The following ZSCAN4 variants were observed in gnomAD, a reference collection of about 807,000 sequenced individuals.
ZSCAN4 encodes zinc finger and SCAN domain containing 4.
Under a neutral mutation model 18.3 loss-of-function variants are expected in ZSCAN4, and 18 were observed. That is an observed-to-expected ratio of 0.98 (90% CI 0.68 to 1.46). The LOEUF (loss-of-function observed/expected upper bound fraction) is 1.46, where lower values mean the gene tolerates loss of function less well. Among genes scored for constraint, ZSCAN4 ranks in the 40% most tolerant of loss-of-function variants. ZSCAN4 has a pLI of 0.00. For missense variants in ZSCAN4, 498 were observed against 511.4 expected, an observed-to-expected ratio of 0.97 and a Z score of 0.25; for synonymous variants, 193 against 180.3, an observed-to-expected ratio of 1.07 and a Z score of -0.57.
chr19:57,661,085 T>G, the ZSCAN4 span, among the ~76,000 whole-genome samples: 10 of 152,240 alleles, frequency 6.6e-5, no homozygotes, highest in African/African-American at 2.4e-4. Flanking sequence ...CTTCCAAAAG[T>G]TTTCCAGTTA....
At chr19:57,676,366 A>C in exon 3 of ZSCAN4, 1 of 1,614,230 alleles carries the variant, frequency 6.2e-7, no homozygotes, top group South Asian at 1.1e-5. Context: ...TCATGGCTGC[A>C]ACCAGAAAAG....
intron 3 of ZSCAN4, among the ~76,000 whole-genome samples, chr19:57,677,662 A>T (rs1046453224): frequency 3.3e-5 from 5 of 152,230 alleles, no homozygotes; most frequent in African/African-American, 1.2e-4. Context: ...ATGTAGCCAG[A>T]AGCTCACAGG....
exon 5 of ZSCAN4, chr19:57,678,958 T>C (rs1984281068): frequency 8.1e-6 from 12 of 1,488,516 alleles, no homozygotes; most frequent in Non-Finnish European, 1.1e-5. Context: ...TATATTCCTA[T>C]AGTATTTATC....
At chr19:57,672,245 A>G (rs1984045901) in intron 2 of ZSCAN4, among the ~76,000 whole-genome samples, 1 of 152,110 alleles carries the variant, frequency 6.6e-6, no homozygotes, top group Non-Finnish European at 1.5e-5. Flanking sequence ...AGTTCTAAGG[A>G]ATGGTAACTG....
At chr19:57,670,621 T>A (rs1446409878) in intron 2 of ZSCAN4, 54 bp downstream of exon 2, 1 of 152,166 alleles carries the variant, frequency 6.6e-6, no homozygotes, top group East Asian at 1.9e-4. Flanking sequence ...GTATACATTT[T>A]GTGTCTTTGA....
chr19:57,671,686 A>G (rs1319163651), intron 2 of ZSCAN4, among the ~76,000 whole-genome samples: 1 of 152,150 alleles, frequency 6.6e-6, no homozygotes, highest in Non-Finnish European at 1.5e-5. Flanking sequence ...ATGTGAGCAG[A>G]TTAGCATTTT....
chr19:57,667,876 GT>G (rs199974719), upstream of ZSCAN4, among the ~76,000 whole-genome samples: 77 of 148,716 alleles, frequency 5.2e-4, no homozygotes, highest in East Asian at 6.1e-3. Context: ...ATTTTTCATT[GT>G]TTTTTTTTTG....
chr19:57,666,067 T>C (rs1983841263), upstream of ZSCAN4, among the ~76,000 whole-genome samples: 1 of 152,218 alleles, frequency 6.6e-6, no homozygotes, highest in African/African-American at 2.4e-5. Context: ...ATTGTATTCA[T>C]ATTTAAAAGG....
At chr19:57,660,903 TC>T in the ZSCAN4 span, among the ~76,000 whole-genome samples, 1 of 151,324 alleles carries the variant, frequency 6.6e-6, no homozygotes, top group Non-Finnish European at 1.5e-5. Context: ...CTACACAGAA[TC>T]CTTCAGATCA....
At chr19:57,676,187 C>T (rs778191042) in exon 3 of ZSCAN4, 53 of 1,613,724 alleles carry the variant, frequency 3.3e-5, no homozygotes, top group African/African-American at 5.3e-5. Context: ...GTGAACCATC[C>T]GAGAATAATC....
the ZSCAN4 span, among the ~76,000 whole-genome samples, chr19:57,660,181 A>G: frequency 6.6e-6 from 1 of 152,246 alleles, no homozygotes; most frequent in Admixed American, 6.5e-5. Flanking sequence ...GATGGAAACT[A>G]TCTCAGAAAA....
chr19:57,676,149 G>T (rs777915821), exon 3 of ZSCAN4: 1 of 1,605,382 alleles, frequency 6.2e-7, no homozygotes. Flanking sequence ...GCTAAGAATG[G>T]CTTTAGATCT....
At chr19:57,651,706 A>C in the ZSCAN4 span, among the ~76,000 whole-genome samples, 1 of 152,126 alleles carries the variant, frequency 6.6e-6, no homozygotes, top group Non-Finnish European at 1.5e-5. Flanking sequence ...GCAACCTGGG[A>C]AGCAGTGAGC....
At chr19:57,660,033 G>A in the ZSCAN4 span, among the ~76,000 whole-genome samples, 2 of 152,268 alleles carry the variant, frequency 1.3e-5, no homozygotes, top group African/African-American at 4.8e-5. Context: ...CAGCAAAAAG[G>A]TGAGATCAGG....
chr19:57,678,257 C>T, exon 5 of ZSCAN4: 1 of 1,614,096 alleles, frequency 6.2e-7, no homozygotes, highest in East Asian at 2.2e-5. Context: ...AAATAGTTTC[C>T]CTAATCATCA....
exon 5 of ZSCAN4, chr19:57,678,237 C>G: frequency 6.2e-7 from 1 of 1,614,140 alleles, no homozygotes; most frequent in South Asian, 1.1e-5. Flanking sequence ...TATTACTAAT[C>G]AAGGCAATCA....
At chr19:57,678,353 T>G in exon 5 of ZSCAN4, 1 of 1,614,208 alleles carries the variant, frequency 6.2e-7, no homozygotes, top group South Asian at 1.1e-5. Flanking sequence ...AGCTAGTCAC[T>G]GCTAGATCTC....
chr19:57,672,347 G>C (rs1376717516), intron 2 of ZSCAN4, among the ~76,000 whole-genome samples: 1 of 152,088 alleles, frequency 6.6e-6, no homozygotes, highest in Non-Finnish European at 1.5e-5. Context: ...GCTGGTAGTG[G>C]CCTTGCAGAT....
Position 57,676,332 on chromosome 19 carries a change from C to T in ZSCAN4, c.187C>T (p.Gln63Ter). The T allele has an allele frequency of 6.2e-7, 1 of 1,614,172 alleles. No homozygotes were observed. The highest frequency in any genetic ancestry group is 8.5e-7 in the Non-Finnish European group (1 of 1,180,028). The change falls in exon 3 of 5, where the codon CAA (glutamine) becomes TAA (stop). Residue 63 changes from glutamine to a stop codon, truncating the protein, a stop_gained. Coordinates refer to ENST00000318203, the Ensembl canonical transcript of ZSCAN4. LOFTEE classifies it high-confidence loss of function. ...TAATTCATATGCAAGGCAGGAATTGCAAAGACTTTATAGGATCTTTCACTC... is the reference window on the plus strand; with the variant it reads ...TAATTCATATGCAAGGCAGGAATTGTAAAGACTTTATAGGATCTTTCACTC...
Sources: gnomAD v4.1 joint callset for allele counts (sites outside exome capture counted in the v4.1 genomes callset) on GRCh38, gnomAD v4.1.1 for gene constraint, MANE v1.5 for transcripts, NCBI Gene and HGNC (gene_info 2026-07-23, HGNC 2026-07-21) for gene names.